TBC1D10C: variants seen among roughly 807,000 people sequenced by gnomAD.
TBC1D10C encodes TBC1 domain family member 10C.
A neutral mutation model predicts 51.0 loss-of-function variants in TBC1D10C; 49 were observed. The ratio of observed to expected loss-of-function variants is 0.96; its 90% CI spans 0.76 to 1.22. TBC1D10C has a LOEUF of 1.22. Ranked by LOEUF, TBC1D10C falls within the 50% of genes most tolerant of loss-of-function variation. The pLI, the probability that TBC1D10C is intolerant of heterozygous loss-of-function variation, is 0.00. For synonymous variants in TBC1D10C, 281 were observed against 266.7 expected (o/e 1.05, Z -0.52); for missense variants, 541 against 617.5 (o/e 0.88, Z 1.31).
chr11:67,404,331 TGGG>T lies in TBC1D10C; in HGVS notation c.132_134del (p.Gly45del). The stretch of plus-strand genomic sequence containing the variant: ...GCCAGGCCGACCGCTATGGATTCAT[TGGG>T]GGCAGCTCAGCAGAGCCAGGGTAAG... On this transcript the variant is annotated inframe_deletion, in exon 1 of 9. Transcript: ENST00000542590. 6.3e-7 allele frequency: 1 copy of T among 1,591,304 alleles called. No individual in the cohort carries two copies. Among genetic ancestry groups the T allele is most frequent in the Non-Finnish European group, 8.6e-7 (1 of 1,164,694 alleles).
rs1042533397 is a variant in TBC1D10C at position 67,409,389 on chromosome 11, A to G, written c.994-18A>G. 4 of 1,543,980 alleles carry G rather than the reference A, an allele frequency of 2.6e-6. No homozygotes were observed. Among genetic ancestry groups the G allele is most frequent in the Non-Finnish European group, 3.5e-6 (4 of 1,143,432 alleles). Reference sequence around the variant, plus strand: ...TGCCTTGAGGCCGGGCAAACGCAGCACCAACTGCTCCCCACAGGTGCACAG... The same window carrying G: ...TGCCTTGAGGCCGGGCAAACGCAGCGCCAACTGCTCCCCACAGGTGCACAG... On this transcript the variant is annotated intron_variant, in intron 8 of 8. Coordinates refer to ENST00000542590, the MANE Select transcript of TBC1D10C (RefSeq NM_001369496.1).
chr11:67,404,111 C>T lies in TBC1D10C; in HGVS notation c.-92C>T. ...ATACCCTGAAACCTCCCCCCTCTGACCCCGCAGCCAGGCCCCAGGCTGGCC... is the reference window on the plus strand; with the variant it reads ...ATACCCTGAAACCTCCCCCCTCTGATCCCGCAGCCAGGCCCCAGGCTGGCC... On this transcript the variant is annotated 5_prime_UTR_variant, in exon 1 of 9. Transcript: ENST00000542590. 7.2e-7 allele frequency: 1 copy of T among 1,381,724 alleles called. No individual in the cohort carries two copies. The allele number at this position is 1,381,724 out of a possible 1,614,324, so 85.6% of individuals were successfully genotyped here.
chr11:67,409,544 C>A lies in TBC1D10C; in HGVS notation c.1131C>A (p.Ala377=). The change falls in exon 9 of 9, where the codon GCC becomes GCA. Residue 377 remains alanine (A), a synonymous_variant. Transcript: ENST00000542590. ...RLAGAQAIFE[A]QQLAGVRRGA... is the part of the protein sequence containing the mutation. The stretch of plus-strand genomic sequence containing the variant: ...CCGGGGCCCAAGCCATCTTTGAGGC[C>A]CAGCAGCTGGCAGGAGTGCGACGAG... 6.5e-7 allele frequency: 1 copy of A among 1,548,832 alleles called. No homozygotes were observed. The highest frequency in any genetic ancestry group is 8.7e-7 in the Non-Finnish European group (1 of 1,146,568).
rs754853155 is a variant in TBC1D10C at position 67,407,064 on chromosome 11, G to T, written c.838+48G>T. 3.0e-5 allele frequency: 47 copies of T among 1,561,706 alleles called. No homozygotes were observed. The East Asian group carries it at 1.1e-3, about 35-fold the overall frequency. On this transcript the variant is annotated intron_variant, in intron 7 of 8. Coordinates refer to ENST00000542590, the MANE Select transcript of TBC1D10C (RefSeq NM_001369496.1). ...GGGGCAGGAGCCTTGGGGTGTGGGT[G>T]GGGAGGTAGCTCACCAGCTCCAGGG...
At position 67,406,645 on chromosome 11, in the gene TBC1D10C, G is replaced by A. The variant is rs1405835534; in HGVS notation, c.601G>A (p.Val201Met). ...LPPEEAFWCLVQICEVYLPGY... is the reference protein window; with the variant it reads ...LPPEEAFWCLMQICEVYLPGY... ...TCCCCAGGAGGCCTTCTGGTGCCTG[G>A]TGCAGATCTGTGAGGTCTACCTCCC... Residue 201 changes from valine (V) to methionine (M), a missense_variant, in exon 6 of 9, where the codon GTG (valine) becomes ATG (methionine). Transcript: ENST00000542590. 1.8e-5 allele frequency: 28 copies of A among 1,574,036 alleles called. No homozygotes were observed. Among genetic ancestry groups the A allele is most frequent in the Non-Finnish European group, 2.2e-5 (26 of 1,159,080 alleles).
intron 5 of TBC1D10C, 116 bp downstream of exon 5, chr11:67,406,133 T>G (rs1038987735): frequency 2.9e-5 from 25 of 874,524 alleles, no homozygotes; most frequent in Non-Finnish European, 4.1e-5. Context: ...CCTGTCCTAG[T>G]GACCCAGGTC....
chr11:67,404,049 G>A (rs1863037593), upstream of TBC1D10C: 2 of 946,274 alleles, frequency 2.1e-6, no homozygotes, highest in Non-Finnish European at 2.9e-6. Context: ...CCTAGCCCCT[G>A]CCCCCATAAA....
chr11:67,407,019 G>T lies in TBC1D10C; in HGVS notation c.838+3G>T. The T allele has an allele frequency of 6.2e-7, 1 of 1,608,352 alleles. No individual in the cohort carries two copies. Among genetic ancestry groups the T allele is most frequent in the Non-Finnish European group, 8.5e-7 (1 of 1,177,910 alleles). The stretch of plus-strand genomic sequence containing the variant: ...CTGGGATGCCTTCCTCAGTGAGGGT[G>T]AGTGGGGCAGCCAGTGGCTGGGGCA... On this transcript the variant is annotated splice_donor_region_variant and intron_variant, in intron 7 of 8. Transcript: ENST00000542590.
chr11:67,408,148 G>A (rs1447824247), intron 7 of TBC1D10C: 1 of 152,310 alleles, frequency 6.6e-6, no homozygotes, highest in African/African-American at 2.4e-5. Context: ...CAGATCAGAG[G>A]CTGCCAGGAA....
Position 67,409,876 on chromosome 11 carries a change from A to G in TBC1D10C, c.*122A>G. 1.2e-6 allele frequency: 1 copy of G among 854,450 alleles called. No individual in the cohort carries two copies. 52.9% of individuals were successfully genotyped at this position (854,450 alleles called of 1,614,324 possible). On this transcript the variant is annotated 3_prime_UTR_variant, in exon 9 of 9. Transcript: ENST00000542590. Reference sequence around the variant, plus strand: ...CTTGGCTTCCTTCCTGGCAAGGACCAGGCAGTGGGGAAGGAGGAGGTCCTC... The same window carrying G: ...CTTGGCTTCCTTCCTGGCAAGGACCGGGCAGTGGGGAAGGAGGAGGTCCTC...
intron 7 of TBC1D10C, 174 bp downstream of exon 7, chr11:67,407,190 G>A: frequency 1.2e-6 from 1 of 806,162 alleles, no homozygotes. Flanking sequence ...GGCACCGCCT[G>A]GTGCAGAGCT....
chr11:67,409,258 C>CA, intron 8 of TBC1D10C, 125 bp downstream of exon 8: 10 of 1,413,258 alleles, frequency 7.1e-6, no homozygotes, highest in Non-Finnish European at 9.4e-6. Flanking sequence ...TCAGAGAACA[C>CA]AAAAACCTGA....
chr11:67,408,690 C>G (rs1011199843), intron 7 of TBC1D10C: 2 of 367,108 alleles, frequency 5.4e-6, no homozygotes, highest in African/African-American at 4.3e-5. Context: ...GGCATCTGAG[C>G]ATCAAGTGAT....
rs566350299 is a variant in TBC1D10C at position 67,407,156 on chromosome 11, ACATCACC to A, written c.838+157_838+163del. On this transcript the variant is annotated intron_variant, in intron 7 of 8. Coordinates refer to ENST00000542590, the MANE Select transcript of TBC1D10C (RefSeq NM_001369496.1). ...AGGTGATGGCCTGGTGCCTGGCGCT[ACATCACC>A]CATCACCCATCACCCAGGCACCGCC... 1.1e-3 allele frequency: 1,163 copies of A among 1,040,994 alleles called. 3 individuals carry two copies. Among genetic ancestry groups the A allele is most frequent in the South Asian group, 4.6e-3 (293 of 63,274 alleles). The allele number at this position is 1,040,994 out of a possible 1,614,324, so 64.5% of individuals were successfully genotyped here. A position where few individuals can be genotyped will look rare whatever the true frequency, so the allele number is the denominator to read the frequency against.
In TBC1D10C at chr11:67,408,968, C is replaced by T. The variant is rs1490755743; in HGVS notation, c.839-11C>T. 9 of 1,538,198 alleles carry T rather than the reference C, an allele frequency of 5.9e-6. No homozygotes were observed. Among genetic ancestry groups the T allele is most frequent in the Non-Finnish European group, 7.9e-6 (9 of 1,144,078 alleles). On this transcript the variant is annotated splice_polypyrimidine_tract_variant and intron_variant, in intron 7 of 8. Transcript: ENST00000542590. ...GGCCGGCCTCCCAGTGAATAAGCCC[C>T]CGGCCTGCAGGTGCCAGAGTACTGT... is the stretch of plus-strand genomic sequence containing the variant.
chr11:67,409,442 G>A lies in TBC1D10C; in HGVS notation c.1029G>A (p.Gln343=). Reference sequence around the variant, plus strand: ...TGGTGCTGTCAGAGCGGGACCTGCAGCGGGAGATCAAGGCCCAGCTGGCCC... The same window carrying A: ...TGGTGCTGTCAGAGCGGGACCTGCAACGGGAGATCAAGGCCCAGCTGGCCC... ...HSVVLSERDL[Q]REIKAQLAQL... Residue 343 remains glutamine, a synonymous_variant, in exon 9 of 9, where the codon CAG becomes CAA. Coordinates refer to ENST00000542590, the MANE Select transcript of TBC1D10C (RefSeq NM_001369496.1). 1.3e-6 allele frequency: 2 copies of A among 1,549,258 alleles called. No homozygotes were observed. Among genetic ancestry groups the A allele is most frequent in the Non-Finnish European group, 1.7e-6 (2 of 1,146,654 alleles).
At chr11:67,407,076 C>T in intron 7 of TBC1D10C, 60 bp downstream of exon 7, 1 of 1,534,212 alleles carries the variant, frequency 6.5e-7, no homozygotes, top group Non-Finnish European at 8.8e-7. Flanking sequence ...GGAGGTAGCT[C>T]ACCAGCTCCA....
intron 5 of TBC1D10C, 163 bp from the exon 6 acceptor site, chr11:67,406,464 T>C: frequency 1.5e-6 from 1 of 647,544 alleles, no homozygotes; most frequent in Non-Finnish European, 2.7e-6. Flanking sequence ...GAGGGGGCTT[T>C]TGGGAAGGGC....
intron 1 of TBC1D10C, among the ~76,000 whole-genome samples, chr11:67,404,627 A>C (rs1271435426): frequency 6.6e-6 from 1 of 152,120 alleles, no homozygotes; most frequent in Non-Finnish European, 1.5e-5. Flanking sequence ...GGAATCCCAG[A>C]TCCAAATCAC....
Sources: allele counts gnomAD v4.1 joint callset (sites outside exome capture counted in the v4.1 genomes callset), GRCh38; gene constraint gnomAD v4.1.1; transcripts MANE v1.5; gene names NCBI Gene and HGNC (gene_info 2026-07-23, HGNC 2026-07-21).